ADAMTS6: variants seen among roughly 807,000 people sequenced by gnomAD.
ADAMTS6 encodes the protein A disintegrin and metalloproteinase with thrombospondin motifs 6.
A neutral mutation model predicts 144.3 loss-of-function variants in ADAMTS6; 23 were observed. The observed-to-expected ratio is 0.16, with a 90% CI of 0.11 to 0.23. ADAMTS6 has a LOEUF of 0.23. ADAMTS6 is among the 10% of genes least tolerant of loss of function. The pLI is 1.00. For synonymous variants in ADAMTS6, 444 were observed against 457.5 expected (o/e 0.97, Z 0.38); for missense variants, 999 against 1,379.6 (o/e 0.72, Z 4.37).
chr5:65,186,800 T>C (rs938126287), intron 22 of ADAMTS6, among the ~76,000 whole-genome samples: 1 of 152,182 alleles, frequency 6.6e-6, no homozygotes, highest in Non-Finnish European at 1.5e-5. Context: ...GAAGCTGGAC[T>C]ATGGCTAGGA....
intron 11 of ADAMTS6, among the ~76,000 whole-genome samples, chr5:65,287,982 C>A (rs1287239207): frequency 6.6e-6 from 1 of 152,148 alleles, no homozygotes; most frequent in Non-Finnish European, 1.5e-5. Context: ...TTTGTATTTA[C>A]AGCCATTACA....
chr5:65,451,667 G>A, intron 6 of ADAMTS6, 47 bp from the exon 7 acceptor site: 1 of 1,598,094 alleles, frequency 6.3e-7, no homozygotes, highest in Non-Finnish European at 8.5e-7. Flanking sequence ...AAATTACTAA[G>A]GTCAGTTGTT....
intron 7 of ADAMTS6, among the ~76,000 whole-genome samples, chr5:65,423,083 T>C (rs889183430): frequency 1.3e-5 from 2 of 152,150 alleles, no homozygotes; most frequent in Non-Finnish European, 2.9e-5. Flanking sequence ...AACCAAATAC[T>C]GTATGTTCTG....
intron 9 of ADAMTS6, among the ~76,000 whole-genome samples, chr5:65,302,706 T>A (rs2112809789): frequency 6.6e-6 from 1 of 152,240 alleles, no homozygotes; most frequent in African/African-American, 2.4e-5. Flanking sequence ...AGTGTAAATG[T>A]GTAATGTTTC....
At chr5:65,376,431 A>T (rs1312089416) in intron 7 of ADAMTS6, among the ~76,000 whole-genome samples, 1 of 151,886 alleles carries the variant, frequency 6.6e-6, no homozygotes, top group Non-Finnish European at 1.5e-5. Context: ...AGCCTGGGAG[A>T]CAAAGGGAGA....
At chr5:65,417,256 A>G (rs543200028) in intron 7 of ADAMTS6, among the ~76,000 whole-genome samples, 20 of 152,324 alleles carry the variant, frequency 1.3e-4, no homozygotes, top group African/African-American at 4.1e-4. Context: ...TCTATGACAA[A>G]CCCACAGCCA....
At chr5:65,373,589 C>G (rs1751198726) in intron 7 of ADAMTS6, among the ~76,000 whole-genome samples, 1 of 152,050 alleles carries the variant, frequency 6.6e-6, no homozygotes, top group African/African-American at 2.4e-5. Context: ...AGACCAATAA[C>G]AGGATTTGAA....
At chr5:65,400,388 GTGT>G (rs1472637674) in intron 7 of ADAMTS6, among the ~76,000 whole-genome samples, 1 of 151,822 alleles carries the variant, frequency 6.6e-6, no homozygotes, top group Non-Finnish European at 1.5e-5. Flanking sequence ...TTCGTTTTTT[GTGT>G]TGTTGTAGAA....
At chr5:65,316,840 T>C (rs890626651) in intron 9 of ADAMTS6, among the ~76,000 whole-genome samples, 1 of 152,046 alleles carries the variant, frequency 6.6e-6, no homozygotes, top group Non-Finnish European at 1.5e-5. Context: ...CTTGCTCTGT[T>C]GCCCAGGCTG....
At chr5:65,342,042 A>C (rs1236617870) in intron 7 of ADAMTS6, among the ~76,000 whole-genome samples, 1 of 152,228 alleles carries the variant, frequency 6.6e-6, no homozygotes, top group Non-Finnish European at 1.5e-5. Context: ...CAACATATGC[A>C]AATCAATAAA....
chr5:65,250,948 CCTT>C (rs1343477220), intron 14 of ADAMTS6, among the ~76,000 whole-genome samples: 1 of 152,118 alleles, frequency 6.6e-6, no homozygotes, highest in African/African-American at 2.4e-5. Flanking sequence ...ACAACACTAA[CCTT>C]TAACTTCTGC....
At position 65,214,636 on chromosome 5, in the gene ADAMTS6, A is replaced by T; in HGVS notation, c.2575+158T>A. ...TGAGGTTGAAAACAAATGGAATATA[A>T]TATAATTAAAGCAAAGTTTCTTTTG... On this transcript the variant is annotated intron_variant, in intron 20 of 24. Transcript: ENST00000381055. This position sits in a 1 kb window ranked among gnomAD's most constrained non-coding sequence, Gnocchi z 4.6. 2.0e-6 allele frequency: 2 copies of T among 1,002,494 alleles called. No individual in the cohort carries two copies. The highest frequency in any genetic ancestry group is 3.0e-6 in the Non-Finnish European group (2 of 668,144). The allele number at this position is 1,002,494 out of a possible 1,614,324, so 62.1% of individuals were successfully genotyped here.
intron 7 of ADAMTS6, among the ~76,000 whole-genome samples, chr5:65,401,937 G>A (rs970507997): frequency 2.6e-5 from 4 of 151,382 alleles, no homozygotes; most frequent in Non-Finnish European, 4.4e-5. Context: ...ACCACATGTC[G>A]TAACTCTCAA....
chr5:65,407,799 G>A lies in ADAMTS6; in HGVS notation c.1073+43676C>T, dbSNP rs143722941. Among the ~76,000 whole-genome samples the A allele has an allele frequency of 6.9e-3, 1,048 of 152,098 alleles. 7 individuals carry two copies. The highest frequency in any genetic ancestry group is 0.022 in the African/African-American group (926 of 41,480). On this transcript the variant is annotated intron_variant, in intron 7 of 24. Coordinates refer to ENST00000381055, the MANE Select transcript of ADAMTS6 (RefSeq NM_197941.4). ...TGCTGCTATAAAGACACATGCACAC[G>A]TATGTTTATTGCGGCACTATTCACA...
chr5:65,457,854 G>A (rs149122929), intron 4 of ADAMTS6, among the ~76,000 whole-genome samples: 1,860 of 149,158 alleles, frequency 0.012, 24 homozygotes, highest in Non-Finnish European at 0.019. Context: ...AGCCTCCCGA[G>A]TAGCTGGGAC....
chr5:65,196,349 C>T (rs935863126), intron 21 of ADAMTS6, among the ~76,000 whole-genome samples: 9 of 151,684 alleles, frequency 5.9e-5, no homozygotes, highest in Non-Finnish European at 1.0e-4. Flanking sequence ...AGTGAAACCC[C>T]GTCTCTACTA....
chr5:65,287,891 T>C (rs1409147444), intron 11 of ADAMTS6, among the ~76,000 whole-genome samples: 3 of 152,268 alleles, frequency 2.0e-5, no homozygotes, highest in Admixed American at 6.5e-5. Context: ...ACTACATAAA[T>C]ACCAGAAACT....
chr5:65,176,374 G>C (rs1050559166), intron 22 of ADAMTS6, among the ~76,000 whole-genome samples: 1 of 152,198 alleles, frequency 6.6e-6, no homozygotes, highest in Non-Finnish European at 1.5e-5. Flanking sequence ...TGTGCAAGTT[G>C]TATAAGGAAA....
At chr5:65,265,674 T>C (rs771578392) in intron 12 of ADAMTS6, among the ~76,000 whole-genome samples, 34 of 152,018 alleles carry the variant, frequency 2.2e-4, no homozygotes, top group Non-Finnish European at 3.7e-4. Flanking sequence ...CTTAGCATTA[T>C]TGATTTCAAA....
Sources: allele counts gnomAD v4.1 joint callset (sites outside exome capture counted in the v4.1 genomes callset), GRCh38; gene constraint gnomAD v4.1.1; non-coding constraint Gnocchi (gnomAD v3.1); transcripts MANE v1.5; gene names NCBI Gene and HGNC (gene_info 2026-07-23, HGNC 2026-07-21).